Variants in AFF1 observed in about 807,000 individuals in gnomAD.
AFF1 encodes AF4/FMR2 family member 1.
Under a neutral mutation model 121.7 loss-of-function variants are expected in AFF1, and 48 were observed. The observed-to-expected ratio is 0.39, with a 90% CI of 0.31 to 0.50. The LOEUF (loss-of-function observed/expected upper bound fraction) is 0.50. Ranked by LOEUF, AFF1 falls within the 20% of genes least tolerant of loss-of-function variation. AFF1 has a pLI of 0.76. For missense variants in AFF1, 1,523 were observed against 1,511.7 expected, an observed-to-expected ratio of 1.01 and a Z score of -0.12; for synonymous variants, 613 against 563.0, an observed-to-expected ratio of 1.09 and a Z score of -1.26.
At chr4:86,989,889 A>G (rs1724564167) in intron 2 of AFF1, among the ~76,000 whole-genome samples, 1 of 152,192 alleles carries the variant, frequency 6.6e-6, no homozygotes, top group Non-Finnish European at 1.5e-5. Flanking sequence ...AAATGGATGA[A>G]GCTGGAAACT....
intron 12 of AFF1, 150 bp downstream of exon 12, chr4:87,115,449 C>A: frequency 2.4e-6 from 2 of 830,502 alleles, no homozygotes; most frequent in Non-Finnish European, 3.6e-6. Flanking sequence ...CTTCTTCCAG[C>A]ATTACCTGTC....
chr4:87,042,862 T>C (rs1730294225), intron 2 of AFF1, among the ~76,000 whole-genome samples: 1 of 152,198 alleles, frequency 6.6e-6, no homozygotes, highest in Admixed American at 6.5e-5. Flanking sequence ...TCTGTGGCAA[T>C]TTTCAGTATT....
chr4:87,054,572 A>G (rs1719902322), intron 4 of AFF1, among the ~76,000 whole-genome samples: 1 of 152,192 alleles, frequency 6.6e-6, no homozygotes, highest in East Asian at 1.9e-4. Context: ...GCTCGACCTC[A>G]GTGAGCCTGG....
At chr4:86,998,114 A>AAAAAC (rs1553914748) in intron 2 of AFF1, among the ~76,000 whole-genome samples, 10 of 145,418 alleles carry the variant, frequency 6.9e-5, no homozygotes, top group African/African-American at 2.8e-4. Context: ...AAAAAAAAAA[A>AAAAAC]AAAAAAAAAA....
chr4:87,039,504 G>C (rs943666219), intron 2 of AFF1, among the ~76,000 whole-genome samples: 2 of 152,210 alleles, frequency 1.3e-5, no homozygotes, highest in African/African-American at 4.8e-5. Flanking sequence ...TCAGTGAAAC[G>C]TCTGTGGCAC....
chr4:87,017,955 T>C (rs1727519352), intron 2 of AFF1, among the ~76,000 whole-genome samples: 4 of 147,722 alleles, frequency 2.7e-5, no homozygotes, highest in Admixed American at 2.7e-4. Context: ...AAAAAAAAGC[T>C]GTGAGGCTCT....
intron 4 of AFF1, among the ~76,000 whole-genome samples, chr4:87,048,631 C>T (rs1214107818): frequency 2.6e-5 from 4 of 152,114 alleles, no homozygotes; most frequent in Admixed American, 6.5e-5. Context: ...CAGGTGGGGG[C>T]GTGATTCCTA....
Position 87,140,297 on chromosome 4 carries a change from C to G in AFF1, c.*4596C>G. 5.2e-6 allele frequency: 1 copy of G among 194,082 alleles called. No homozygotes were observed. The highest frequency in any genetic ancestry group is 1.1e-5 in the Non-Finnish European group (1 of 92,782). 12.0% of individuals were successfully genotyped at this position (194,082 alleles called of 1,614,324 possible). ...CCATCGACATGTATTGTTAAAATTA[C>G]TGCATATCCCCCTCAGATATCAAGT... On this transcript the variant is annotated 3_prime_UTR_variant, in exon 21 of 21. Coordinates refer to ENST00000395146, the MANE Select transcript of AFF1 (RefSeq NM_001166693.3).
chr4:87,114,699 A>G lies in AFF1; in HGVS notation c.1866A>G (p.Ala622=). 3 of 1,613,404 alleles carry G rather than the reference A, an allele frequency of 1.9e-6. No individual in the cohort carries two copies. Among genetic ancestry groups the G allele is most frequent in the Non-Finnish European group, 2.5e-6 (3 of 1,179,866 alleles). ...AACCTGTCAAGGCCTCTGCCCGGGC[A>G]GGTTCACGGACCAGCCTGCAGGGGG... ...PKKPVKASAR[A]GSRTSLQGER... The change falls in exon 12 of 21, where the codon GCA becomes GCG. Residue 622 remains alanine, a synonymous_variant. Transcript: ENST00000395146.
intron 8 of AFF1, among the ~76,000 whole-genome samples, chr4:87,102,944 A>G (rs1725571962): frequency 6.6e-6 from 1 of 152,240 alleles, no homozygotes. Context: ...TGGGACAGGC[A>G]GAGGACCTTA....
At chr4:87,013,372 G>A (rs1397682252) in intron 2 of AFF1, among the ~76,000 whole-genome samples, 1 of 152,054 alleles carries the variant, frequency 6.6e-6, no homozygotes, top group Non-Finnish European at 1.5e-5. Context: ...GCTATTGCTG[G>A]GAGCAGTAAT....
intron 2 of AFF1, among the ~76,000 whole-genome samples, chr4:86,986,028 T>C (rs1724234098): frequency 1.0e-5 from 1 of 99,842 alleles, no homozygotes; most frequent in Non-Finnish European, 2.4e-5. Flanking sequence ...TTTTTTAAAA[T>C]TTAATTCAAT....
chr4:86,961,275 TGAAAAA>T (rs1722124835), intron 2 of AFF1, among the ~76,000 whole-genome samples: 1 of 152,102 alleles, frequency 6.6e-6, no homozygotes, highest in African/African-American at 2.4e-5. Context: ...GTTTTACAGA[TGAAAAA>T]GGGAAAAGGA....
At chr4:87,100,920 C>A (rs1334764716) in intron 8 of AFF1, among the ~76,000 whole-genome samples, 1 of 152,154 alleles carries the variant, frequency 6.6e-6, no homozygotes, top group Non-Finnish European at 1.5e-5. Flanking sequence ...AGATAATCTT[C>A]ACTTCGTCCA....
chr4:87,135,735 T>G lies in AFF1; in HGVS notation c.*34T>G. 6.3e-7 allele frequency: 1 copy of G among 1,597,602 alleles called. No homozygotes were observed. Among genetic ancestry groups the G allele is most frequent in the Non-Finnish European group, 8.5e-7 (1 of 1,171,260 alleles). The stretch of plus-strand genomic sequence containing the variant: ...CAGGTTGATTCAATGCCTTGGGAAC[T>G]ATTTTTGCACATTGGAAGCCTCAAA... On this transcript the variant is annotated 3_prime_UTR_variant, in exon 21 of 21. Coordinates refer to ENST00000395146, the MANE Select transcript of AFF1 (RefSeq NM_001166693.3).
At chr4:87,070,345 A>C (rs1369691839) in intron 4 of AFF1, among the ~76,000 whole-genome samples, 1 of 150,066 alleles carries the variant, frequency 6.7e-6, no homozygotes, top group African/African-American at 2.5e-5. Flanking sequence ...CACCATGTTG[A>C]CCAGGCTGGT....
intron 2 of AFF1, chr4:86,950,017 C>A: frequency 6.2e-7 from 1 of 1,614,082 alleles, no homozygotes; most frequent in South Asian, 1.1e-5. Context: ...GTTTCACCTG[C>A]TGAGCTCCGT....
intron 2 of AFF1, chr4:87,036,815 T>C (rs1285864433): frequency 1.9e-6 from 1 of 514,480 alleles, no homozygotes; most frequent in South Asian, 1.4e-5. Flanking sequence ...ATCTGCTTTT[T>C]TTCTCTCTCT....
intron 2 of AFF1, among the ~76,000 whole-genome samples, chr4:86,985,214 T>TATATATATATATATATAA (rs1277485096): frequency 7.0e-4 from 73 of 104,480 alleles, no homozygotes; most frequent in African/African-American, 2.3e-3. Flanking sequence ...TATATATATA[T>TATATATATATATATATAA]AAAATTATAT....
Sources: gnomAD v4.1 joint callset for allele counts (sites outside exome capture counted in the v4.1 genomes callset) on GRCh38, gnomAD v4.1.1 for gene constraint, MANE v1.5 for transcripts, NCBI Gene and HGNC (gene_info 2026-07-23, HGNC 2026-07-21) for gene names.